Variants in DCK observed in about 807,000 individuals in gnomAD.
DCK encodes the protein deoxyadenosine kinase.
DCK carries 23 observed loss-of-function variants against 38.3 expected under a neutral mutation model. The observed-to-expected ratio is 0.60, with a 90% CI of 0.43 to 0.85. DCK has a LOEUF of 0.85. Among genes scored for constraint, DCK ranks in the 40% least tolerant of loss-of-function variants. DCK has a pLI of 0.00. For synonymous variants in DCK, 108 were observed against 100.6 expected, an observed-to-expected ratio of 1.07 and a Z score of -0.44; for missense variants, 259 against 304.4, an observed-to-expected ratio of 0.85 and a Z score of 1.11.
Position 70,993,649 on chromosome 4 carries a change from A to T in DCK, c.-187A>T. Reference sequence around the variant, plus strand: ...GGCGGGGCCGCCCCGCAGGCCCGCCAGTGTCCTCAGCTGCCTCCGCGCGCC... The same window carrying T: ...GGCGGGGCCGCCCCGCAGGCCCGCCTGTGTCCTCAGCTGCCTCCGCGCGCC... On this transcript the variant is annotated 5_prime_UTR_variant, in exon 1 of 7. Coordinates refer to ENST00000286648, the MANE Select transcript of DCK (RefSeq NM_000788.3). The T allele has an allele frequency of 2.0e-6, 1 of 500,564 alleles. No homozygotes were observed. The highest frequency in any genetic ancestry group is 3.5e-6 in the Non-Finnish European group (1 of 284,496). The allele number at this position is 500,564 out of a possible 1,614,324, so 31.0% of individuals were successfully genotyped here.
At chr4:71,003,587 A>G (rs1739865394) in intron 2 of DCK, among the ~76,000 whole-genome samples, 1 of 152,200 alleles carries the variant, frequency 6.6e-6, no homozygotes, top group Non-Finnish European at 1.5e-5. Context: ...TTTCAGGTAT[A>G]CCAGTCAAAC....
intron 2 of DCK, among the ~76,000 whole-genome samples, chr4:71,002,497 A>T (rs749367227): frequency 6.6e-6 from 1 of 152,170 alleles, no homozygotes; most frequent in Non-Finnish European, 1.5e-5. Flanking sequence ...TCCAGAGCTG[A>T]GTTCAAGTCC....
chr4:71,003,803 A>G (rs545838065), intron 2 of DCK, among the ~76,000 whole-genome samples: 2 of 152,146 alleles, frequency 1.3e-5, no homozygotes, highest in Admixed American at 6.5e-5. Flanking sequence ...TTTCAGCTCC[A>G]TCAGGTCATT....
At chr4:71,005,609 C>A (rs933452225) in intron 2 of DCK, among the ~76,000 whole-genome samples, 2 of 150,784 alleles carry the variant, frequency 1.3e-5, no homozygotes, top group Non-Finnish European at 3.0e-5. Context: ...CGGGTTCAAG[C>A]GATTCTCCTG....
intron 2 of DCK, among the ~76,000 whole-genome samples, chr4:71,011,233 T>C (rs1358220471): frequency 2.6e-4 from 2 of 7,634 alleles, no homozygotes; most frequent in African/African-American, 1.3e-3. Context: ...GTGAGGTCTC[T>C]TTTTTTTTTT....
chr4:71,018,921 C>T (rs1488783491), intron 2 of DCK, among the ~76,000 whole-genome samples: 1 of 152,106 alleles, frequency 6.6e-6, no homozygotes, highest in Non-Finnish European at 1.5e-5. Context: ...ATCCGCCTGC[C>T]TCGGACTCCC....
At chr4:71,021,373 C>G (rs1740422532) in intron 2 of DCK, among the ~76,000 whole-genome samples, 1 of 152,318 alleles carries the variant, frequency 6.6e-6, no homozygotes, top group Non-Finnish European at 1.5e-5. Flanking sequence ...CCGCGCCCGG[C>G]CTGCTATTTC....
chr4:71,004,926 ACTTGGCTCCCTGGCTTCAGCCCC>A (rs372021301), intron 2 of DCK, among the ~76,000 whole-genome samples: 2,214 of 152,050 alleles, frequency 0.015, 50 homozygotes, highest in African/African-American at 0.05. Context: ...GAGCAAGACC[ACTTGGCTCCCTGGCTTCAGCCCC>A]CTTGGCTCCC....
chr4:71,006,324 ATGAC>A, intron 2 of DCK: 1 of 954,838 alleles, frequency 1.0e-6, no homozygotes, highest in Non-Finnish European at 1.2e-6. Context: ...AAGAAAGAGA[ATGAC>A]AGAGTTCAGT....
rs370243501 is a variant in DCK at position 71,020,343 on chromosome 4, A to G, written c.208-2024A>G. ...TGGTGATGTGTATTTCTTTACATCA[A>G]GAAGATGTGTTTTGTGATGTTAAAA... On this transcript the variant is annotated intron_variant, in intron 2 of 6. Transcript: ENST00000286648. Among the ~76,000 whole-genome samples, 321 of 152,346 alleles carry G rather than the reference A, an allele frequency of 2.1e-3. 3 individuals carry two copies. Among genetic ancestry groups the G allele is most frequent in the African/African-American group, 7.3e-3 (302 of 41,584 alleles).
At chr4:70,998,542 A>C (rs1739709836) in intron 2 of DCK, among the ~76,000 whole-genome samples, 1 of 152,204 alleles carries the variant, frequency 6.6e-6, no homozygotes, top group African/African-American at 2.4e-5. Context: ...ACCATTTTAC[A>C]TAAAGGACTT....
chr4:71,005,883 T>C (rs1220530087), intron 2 of DCK, among the ~76,000 whole-genome samples: 2 of 151,498 alleles, frequency 1.3e-5, no homozygotes, highest in Non-Finnish European at 2.9e-5. Flanking sequence ...CCCAGCCCTT[T>C]GGGAGGCCGA....
chr4:71,017,164 C>A (rs1343038473), intron 2 of DCK, among the ~76,000 whole-genome samples: 3 of 152,290 alleles, frequency 2.0e-5, no homozygotes, highest in South Asian at 2.1e-4. Context: ...ATGCAGCCAA[C>A]AGACACATGA....
chr4:71,022,547 GTGTA>G lies in DCK; in HGVS notation c.390_393del (p.Tyr131ValfsTer16). Reference sequence around the variant, plus strand: ...ACCTGTATTATTTTTTGAACGATCTGTGTATAGTGACAGGTATGTATAAATGGCT... The same window carrying G: ...ACCTGTATTATTTTTTGAACGATCTGTAGTGACAGGTATGTATAAATGGCT... On this transcript the variant is annotated frameshift_variant, in exon 3 of 7. Coordinates refer to ENST00000286648, the MANE Select transcript of DCK (RefSeq NM_000788.3). LOFTEE classifies it high-confidence loss of function. 6.4e-7 allele frequency: 1 copy of G among 1,563,140 alleles called. No homozygotes were observed. Among genetic ancestry groups the G allele is most frequent in the Non-Finnish European group, 8.6e-7 (1 of 1,159,108 alleles).
chr4:71,006,929 G>A (rs1010595988), intron 2 of DCK, among the ~76,000 whole-genome samples: 1 of 152,152 alleles, frequency 6.6e-6, no homozygotes, highest in Non-Finnish European at 1.5e-5. Flanking sequence ...AAATTTAGCT[G>A]TTGGTATAAG....
rs777007323 is a variant in DCK, at chr4:71,025,827, T to C, written c.561T>C (p.His187=). Residue 187 remains histidine, a synonymous_variant, in exon 5 of 7, where the codon CAT becomes CAC. Transcript: ENST00000286648. Reference sequence around the variant, plus strand: ...TTACTTGCTTTTAGACATGCTTACATAGAATATATTTACGGGGAAGAAATG... The same window carrying C: ...TTACTTGCTTTTAGACATGCTTACACAGAATATATTTACGGGGAAGAAATG... ...YLQATPETCL[H]RIYLRGRNEE... is the part of the protein sequence containing the mutation. 17 of 1,608,044 alleles carry C rather than the reference T, an allele frequency of 1.1e-5. No individual in the cohort carries two copies. The highest frequency in any genetic ancestry group is 5.4e-5 in the African/African-American group (4 of 74,610).
At chr4:71,005,377 A>T (rs1266377879) in intron 2 of DCK, among the ~76,000 whole-genome samples, 1 of 151,970 alleles carries the variant, frequency 6.6e-6, no homozygotes, top group Non-Finnish European at 1.5e-5. Context: ...CATTGGTCTC[A>T]CTGGGAGCTG....
At chr4:70,999,340 G>A (rs950058332) in intron 2 of DCK, among the ~76,000 whole-genome samples, 1 of 152,178 alleles carries the variant, frequency 6.6e-6, no homozygotes, top group African/African-American at 2.4e-5. Context: ...TCCCTGCAAA[G>A]GTTATGAACT....
chr4:71,012,351 C>A (rs528165152), intron 2 of DCK, among the ~76,000 whole-genome samples: 38 of 152,320 alleles, frequency 2.5e-4, no homozygotes, highest in Non-Finnish European at 4.9e-4. Context: ...CAGGGCATAG[C>A]TGAACAAAAG....
Sources: gnomAD v4.1 joint callset for allele counts (sites outside exome capture counted in the v4.1 genomes callset) on GRCh38, gnomAD v4.1.1 for gene constraint, MANE v1.5 for transcripts, NCBI Gene and HGNC (gene_info 2026-07-23, HGNC 2026-07-21) for gene names.